SPOCK1: variants seen among roughly 807,000 people sequenced by gnomAD.
SPOCK1 encodes testican-1.
SPOCK1 carries 23 observed loss-of-function variants against 55.3 expected under a neutral mutation model. The ratio of observed to expected loss-of-function variants is 0.42; its 90% confidence interval spans 0.30 to 0.59. The LOEUF (loss-of-function observed/expected upper bound fraction) is 0.59. Among genes scored for constraint, SPOCK1 ranks in the 20% least tolerant of loss-of-function variants. The pLI is 0.22. For missense variants in SPOCK1, 499 were observed against 552.5 expected (o/e 0.90, Z 0.97); for synonymous variants, 226 against 221.0 (o/e 1.02, Z -0.20).
intron 2 of SPOCK1, among the ~76,000 whole-genome samples, chr5:137,332,102 T>G (rs1201360101): frequency 6.6e-6 from 1 of 152,038 alleles, no homozygotes; most frequent in African/African-American, 2.4e-5. Flanking sequence ...TTTTCCCCTC[T>G]CTGGCCCTGC....
intron 6 of SPOCK1, 36 bp downstream of exon 6, chr5:137,067,679 C>T: frequency 1.3e-6 from 2 of 1,587,362 alleles, no homozygotes; most frequent in Non-Finnish European, 1.7e-6. Context: ...CCCCCCATTC[C>T]TGCCCACGAA....
At chr5:137,477,620 CA>C (rs986206597) in intron 2 of SPOCK1, among the ~76,000 whole-genome samples, 5 of 152,190 alleles carry the variant, frequency 3.3e-5, no homozygotes, top group African/African-American at 1.2e-4. Flanking sequence ...AACCTACTGA[CA>C]ACCCCTAAGA....
intron 5 of SPOCK1, among the ~76,000 whole-genome samples, chr5:137,102,161 T>A (rs1412304738): frequency 6.6e-6 from 1 of 152,126 alleles, no homozygotes; most frequent in Non-Finnish European, 1.5e-5. Flanking sequence ...TGAAAAAAAA[T>A]CTTAACTCTT....
intron 3 of SPOCK1, among the ~76,000 whole-genome samples, chr5:137,175,480 G>T (rs1049917912): frequency 6.6e-6 from 1 of 152,170 alleles, no homozygotes; most frequent in Non-Finnish European, 1.5e-5. Flanking sequence ...AATACATGTT[G>T]GTTATGATTT....
intron 3 of SPOCK1, among the ~76,000 whole-genome samples, chr5:137,227,130 G>C (rs1755961770): frequency 6.6e-6 from 1 of 152,164 alleles, no homozygotes; most frequent in African/African-American, 2.4e-5. Context: ...AGCATGCAGG[G>C]AATCAGAAGA....
chr5:137,261,188 C>T (rs1314156987), intron 3 of SPOCK1, among the ~76,000 whole-genome samples: 1 of 152,180 alleles, frequency 6.6e-6, no homozygotes, highest in East Asian at 1.9e-4. Context: ...CTAAACTCCA[C>T]ATTATGAAGA....
intron 6 of SPOCK1, among the ~76,000 whole-genome samples, chr5:137,005,306 C>T (rs1751226091): frequency 6.7e-6 from 1 of 149,160 alleles, no homozygotes; most frequent in Non-Finnish European, 1.5e-5. Context: ...TAACATCTAA[C>T]TTATTCCAAT....
intron 6 of SPOCK1, among the ~76,000 whole-genome samples, chr5:137,057,199 C>A (rs1261870349): frequency 6.6e-6 from 1 of 152,054 alleles, no homozygotes; most frequent in African/African-American, 2.4e-5. Context: ...GAGCGCTGCT[C>A]ACTCTTTTCA....
chr5:136,992,910 C>G, intron 6 of SPOCK1: 1 of 247,976 alleles, frequency 4.0e-6, no homozygotes. Context: ...TCACAGATCA[C>G]TTTTGCTAAC....
At chr5:137,188,678 A>G (rs748818471) in intron 3 of SPOCK1, among the ~76,000 whole-genome samples, 3 of 152,234 alleles carry the variant, frequency 2.0e-5, no homozygotes, top group Non-Finnish European at 2.9e-5. Flanking sequence ...TAATAACACT[A>G]CAATGGGCTG....
At chr5:137,140,905 G>T (rs940080109) in intron 3 of SPOCK1, among the ~76,000 whole-genome samples, 9 of 151,560 alleles carry the variant, frequency 5.9e-5, no homozygotes, top group African/African-American at 2.2e-4. Context: ...GACTAAAGGT[G>T]CACGCCACCA....
intron 4 of SPOCK1, among the ~76,000 whole-genome samples, chr5:137,131,688 C>T (rs1482322309): frequency 6.8e-6 from 1 of 147,688 alleles, no homozygotes; most frequent in African/African-American, 2.5e-5. Flanking sequence ...AAAAATATCT[C>T]CCCCCCGGGT....
At chr5:137,002,693 G>A (rs905838508) in intron 6 of SPOCK1, among the ~76,000 whole-genome samples, 1 of 152,294 alleles carries the variant, frequency 6.6e-6, no homozygotes, top group Non-Finnish European at 1.5e-5. Context: ...CTGCAGAAAT[G>A]ACAACTGCTG....
intron 2 of SPOCK1, among the ~76,000 whole-genome samples, chr5:137,463,036 T>C (rs1393734142): frequency 1.3e-5 from 2 of 152,164 alleles, no homozygotes; most frequent in African/African-American, 4.8e-5. Flanking sequence ...AATTTGGAAT[T>C]AGTCCTGAGG....
intron 4 of SPOCK1, among the ~76,000 whole-genome samples, chr5:137,115,434 T>C (rs1753560090): frequency 6.6e-6 from 1 of 152,154 alleles, no homozygotes; most frequent in Non-Finnish European, 1.5e-5. Flanking sequence ...TGGGACTATT[T>C]TCATCCCCTG....
chr5:137,135,557 G>A (rs996553678), intron 4 of SPOCK1, among the ~76,000 whole-genome samples: 2 of 152,156 alleles, frequency 1.3e-5, no homozygotes, highest in African/African-American at 4.8e-5. Context: ...ATGGGATCCT[G>A]GGCATCTAAG....
intron 2 of SPOCK1, among the ~76,000 whole-genome samples, chr5:137,329,415 C>G (rs1044531568): frequency 6.6e-6 from 1 of 151,982 alleles, no homozygotes; most frequent in African/African-American, 2.4e-5. Context: ...TCTATATCTC[C>G]TAATATCTCC....
At chr5:137,232,292 T>TC (rs1255970353) in intron 3 of SPOCK1, among the ~76,000 whole-genome samples, 5 of 149,964 alleles carry the variant, frequency 3.3e-5, no homozygotes, top group Non-Finnish European at 5.9e-5. Flanking sequence ...ATTTTTAATG[T>TC]TTTTTTCCTA....
At chr5:137,476,496 G>C (rs1753840687) in intron 2 of SPOCK1, among the ~76,000 whole-genome samples, 1 of 152,206 alleles carries the variant, frequency 6.6e-6, no homozygotes, top group East Asian at 1.9e-4. Context: ...AAAGAACTAA[G>C]AACTTTGAGA....
Sources: allele counts gnomAD v4.1 joint callset (sites outside exome capture counted in the v4.1 genomes callset), GRCh38; gene constraint gnomAD v4.1.1; transcripts MANE v1.5; gene names NCBI Gene and HGNC (gene_info 2026-07-23, HGNC 2026-07-21).